PCSK2: variants seen among roughly 807,000 people sequenced by gnomAD.
The protein encoded by PCSK2 is proprotein convertase subtilisin/kexin type 2.
In PCSK2, 14 loss-of-function variants were observed where a neutral mutation model predicts 69.7. The observed-to-expected ratio is 0.20, with a 90% CI of 0.13 to 0.31. The LOEUF is 0.31. Among genes scored for constraint, PCSK2 ranks in the 10% least tolerant of loss-of-function variants. The probability of loss-of-function intolerance (pLI) is 1.00; values close to 1 mark genes in which losing one functional copy is unlikely to be tolerated. For missense variants in PCSK2, 544 were observed against 842.5 expected (o/e 0.65, Z 4.39); for synonymous variants, 307 against 320.7 (o/e 0.96, Z 0.46).
intron 5 of PCSK2, among the ~76,000 whole-genome samples, chr20:17,371,553 G>A (rs1056482105): frequency 1.3e-4 from 20 of 151,908 alleles, no homozygotes; most frequent in African/African-American, 3.9e-4. Flanking sequence ...AAAAATAAAT[G>A]CATGTTATCT....
In PCSK2 at chr20:17,467,273, C is replaced by T. The variant is rs566628344; in HGVS notation, c.1430+1720C>T. On this transcript the variant is annotated intron_variant, in intron 11 of 11. Coordinates refer to ENST00000262545, the MANE Select transcript of PCSK2 (RefSeq NM_002594.5). ...CTGTCTCCCTTTGACAGCATGGTGA[C>T]GTCTATGGGCCCCATCAGTCTAATG... Among the ~76,000 whole-genome samples, 26 of 152,196 alleles carry T rather than the reference C, an allele frequency of 1.7e-4. 1 individual carries two copies. The highest frequency in any genetic ancestry group is 2.8e-4 in the Non-Finnish European group (19 of 68,042).
chr20:17,444,513 C>T (rs1274619851), intron 8 of PCSK2, among the ~76,000 whole-genome samples: 1 of 152,184 alleles, frequency 6.6e-6, no homozygotes, highest in Non-Finnish European at 1.5e-5. Context: ...ACAGTTACAG[C>T]ATTTTTCACG....
At chr20:17,387,550 G>A (rs908825152) in intron 5 of PCSK2, among the ~76,000 whole-genome samples, 20 of 152,182 alleles carry the variant, frequency 1.3e-4, no homozygotes, top group African/African-American at 4.8e-4. Flanking sequence ...AACTGCTTGA[G>A]CATCCTCATG....
At chr20:17,321,086 G>A (rs1989851408) in intron 2 of PCSK2, among the ~76,000 whole-genome samples, 1 of 152,164 alleles carries the variant, frequency 6.6e-6, no homozygotes, top group African/African-American at 2.4e-5. Flanking sequence ...TGTCTCAGCT[G>A]CCTTAAATAA....
chr20:17,396,244 C>G (rs1479835474), intron 5 of PCSK2, among the ~76,000 whole-genome samples: 1 of 152,194 alleles, frequency 6.6e-6, no homozygotes, highest in Admixed American at 6.5e-5. Flanking sequence ...TGACTGTACA[C>G]CCAGTCTTTG....
At chr20:17,249,331 C>T (rs538244610) in intron 1 of PCSK2, among the ~76,000 whole-genome samples, 2 of 151,660 alleles carry the variant, frequency 1.3e-5, no homozygotes, top group East Asian at 1.9e-4. Context: ...ATGGTGAAAC[C>T]CCGTCTGTAC....
chr20:17,264,680 A>T (rs779184874), intron 2 of PCSK2, among the ~76,000 whole-genome samples: 1 of 152,202 alleles, frequency 6.6e-6, no homozygotes, highest in Non-Finnish European at 1.5e-5. Context: ...CTGGAGCAAA[A>T]GAAAAGTTTC....
intron 2 of PCSK2, among the ~76,000 whole-genome samples, chr20:17,282,107 T>C (rs140859178): frequency 1.5e-4 from 23 of 152,308 alleles, no homozygotes; most frequent in Middle Eastern, 3.4e-3. Context: ...GGCACCCATT[T>C]TGCTTTCTAA....
intron 1 of PCSK2, among the ~76,000 whole-genome samples, chr20:17,252,596 C>T (rs1461230688): frequency 1.3e-5 from 2 of 152,186 alleles, no homozygotes; most frequent in African/African-American, 2.4e-5. Flanking sequence ...AGCGCTGTTA[C>T]GAGGAAGAGC....
chr20:17,409,501 T>C (rs1453119284), intron 6 of PCSK2, among the ~76,000 whole-genome samples, 162 bp downstream of exon 6: 1 of 152,246 alleles, frequency 6.6e-6, no homozygotes, highest in South Asian at 2.1e-4. Context: ...AAGTGAAATT[T>C]TTAATATTAC....
At chr20:17,470,317 A>T (rs2033178341) in intron 11 of PCSK2, among the ~76,000 whole-genome samples, 1 of 152,214 alleles carries the variant, frequency 6.6e-6, no homozygotes, top group Non-Finnish European at 1.5e-5. Flanking sequence ...ATTCTCATTA[A>T]TTTAAATTTA....
At chr20:17,412,133 C>A (rs1440534718) in intron 6 of PCSK2, among the ~76,000 whole-genome samples, 2 of 152,180 alleles carry the variant, frequency 1.3e-5, no homozygotes, top group Non-Finnish European at 2.9e-5. Flanking sequence ...CTCCAAAGGA[C>A]CGCAGCTCCT....
In PCSK2 at chr20:17,355,062, G is replaced by A. The variant is rs532665698; in HGVS notation, c.283-3265G>A. Among the ~76,000 whole-genome samples the A allele has an allele frequency of 5.9e-5, 9 of 152,240 alleles. No individual in the cohort carries two copies. In the South Asian group the frequency reaches 1.7e-3, roughly 28 times the overall value. On this transcript the variant is annotated intron_variant, in intron 2 of 11. Transcript: ENST00000262545. ...CTCCTAAATTGCTGAGTTGCAAGGA[G>A]GCAGTGCCCAGAGAATGCAGCATTC...
intron 5 of PCSK2, among the ~76,000 whole-genome samples, chr20:17,385,663 C>T (rs922010466): frequency 7.2e-5 from 11 of 152,262 alleles, no homozygotes; most frequent in Admixed American, 2.6e-4. Flanking sequence ...CCTCCAAAAG[C>T]TGACTGTGAG....
At chr20:17,264,579 T>A (rs1210353253) in intron 2 of PCSK2, among the ~76,000 whole-genome samples, 1 of 152,210 alleles carries the variant, frequency 6.6e-6, no homozygotes, top group African/African-American at 2.4e-5. Context: ...TATTCTTGAA[T>A]ATATCTGTGG....
At chr20:17,378,590 CGGATGGATGGAT>C (rs57945532) in intron 5 of PCSK2, among the ~76,000 whole-genome samples, 155 of 136,298 alleles carry the variant, frequency 1.1e-3, no homozygotes, top group African/African-American at 2.2e-3. Context: ...GATGGATGGA[CGGATGGATGGAT>C]GGATGGATGG....
At chr20:17,262,863 G>C (rs1391188810) in intron 2 of PCSK2, among the ~76,000 whole-genome samples, 5 of 152,200 alleles carry the variant, frequency 3.3e-5, no homozygotes, top group Admixed American at 6.5e-5. Context: ...CAGAATTTAA[G>C]AGTAAGTTGT....
intron 8 of PCSK2, among the ~76,000 whole-genome samples, chr20:17,444,846 G>A (rs2032667669): frequency 6.6e-6 from 1 of 152,218 alleles, no homozygotes; most frequent in Non-Finnish European, 1.5e-5. Flanking sequence ...AAAGGAGCTG[G>A]AATAAAACCC....
intron 1 of PCSK2, among the ~76,000 whole-genome samples, chr20:17,230,301 A>G (rs1435365019): frequency 6.6e-6 from 1 of 152,214 alleles, no homozygotes. Flanking sequence ...AAGGTCAGCA[A>G]TGGAGGCTAG....
Sources: allele counts gnomAD v4.1 joint callset (sites outside exome capture counted in the v4.1 genomes callset), GRCh38; gene constraint gnomAD v4.1.1; transcripts MANE v1.5; gene names NCBI Gene and HGNC (gene_info 2026-07-23, HGNC 2026-07-21).